Variants in MAN1A2 observed in about 807,000 individuals in gnomAD.
The protein encoded by MAN1A2 is mannosyl-oligosaccharide 1,2-alpha-mannosidase IB.
In MAN1A2, 26 loss-of-function variants were observed where a neutral mutation model predicts 75.7. The observed-to-expected ratio is 0.34, with a 90% CI of 0.25 to 0.48. The LOEUF (loss-of-function observed/expected upper bound fraction) is 0.48. Ranked by LOEUF, MAN1A2 falls within the 20% of genes least tolerant of loss-of-function variation. The probability of loss-of-function intolerance (pLI) is 0.99; values close to 1 mark genes in which losing one functional copy is unlikely to be tolerated. For synonymous variants in MAN1A2, 247 were observed against 264.6 expected (o/e 0.93, Z 0.65); for missense variants, 562 against 775.5 (o/e 0.72, Z 3.27).
At chr1:117,410,820 A>G (rs578070865) in intron 3 of MAN1A2, among the ~76,000 whole-genome samples, 5 of 151,940 alleles carry the variant, frequency 3.3e-5, no homozygotes, top group African/African-American at 7.2e-5. Flanking sequence ...TGCAACAAAC[A>G]GTTATAAACA....
chr1:117,464,932 C>T (rs1040824848), intron 7 of MAN1A2, among the ~76,000 whole-genome samples: 1 of 151,736 alleles, frequency 6.6e-6, no homozygotes, highest in African/African-American at 2.4e-5. Flanking sequence ...AAGATATTAC[C>T]AGAAAAAAGG....
At chr1:117,445,456 C>A (rs1388768138) in intron 6 of MAN1A2, among the ~76,000 whole-genome samples, 4 of 152,070 alleles carry the variant, frequency 2.6e-5, no homozygotes, top group African/African-American at 9.7e-5. Context: ...GACCTAAATG[C>A]AACTACCTGA....
intron 6 of MAN1A2, among the ~76,000 whole-genome samples, chr1:117,456,947 G>A (rs943441404): frequency 4.6e-5 from 7 of 151,988 alleles, no homozygotes; most frequent in Non-Finnish European, 7.4e-5. Context: ...CTTACACATT[G>A]AGTGTTTTAA....
Position 117,502,787 on chromosome 1 carries a change from A to C in MAN1A2, c.1678-68A>C. On this transcript the variant is annotated intron_variant, in intron 11 of 12. Transcript: ENST00000356554. ...TATGAGCTTTTGACTATTGTCCTTC[A>C]AAGTTTTGTTGTCCTTCAAAACTTG... 17 of 787,802 alleles carry C rather than the reference A, an allele frequency of 2.2e-5. No individual in the cohort carries two copies. The South Asian group carries it at 2.6e-4, about 12-fold the overall frequency. 48.8% of individuals were successfully genotyped at this position (787,802 alleles called of 1,614,324 possible). A position where few individuals can be genotyped will look rare whatever the true frequency, so the allele number is the denominator to read the frequency against.
chr1:117,417,761 A>G (rs1450254225), intron 4 of MAN1A2, among the ~76,000 whole-genome samples: 1 of 151,366 alleles, frequency 6.6e-6, no homozygotes, highest in African/African-American at 2.4e-5. Context: ...ATAAATATAT[A>G]TAAACTTTAA....
chr1:117,411,604 C>T (rs1003646775), intron 3 of MAN1A2, among the ~76,000 whole-genome samples: 1 of 151,626 alleles, frequency 6.6e-6, no homozygotes, highest in African/African-American at 2.4e-5. Context: ...TTCTGCTCCC[C>T]AAAGACATCA....
chr1:117,445,894 A>ATATATATATATATATATG (rs1557953937), intron 6 of MAN1A2, among the ~76,000 whole-genome samples: 4 of 144,094 alleles, frequency 2.8e-5, no homozygotes, highest in Non-Finnish European at 6.1e-5. Flanking sequence ...GTATATATAT[A>ATATATATATATATATATG]TATATGTATA....
intron 6 of MAN1A2, among the ~76,000 whole-genome samples, chr1:117,445,062 T>C (rs1649169987): frequency 6.6e-6 from 1 of 152,160 alleles, no homozygotes; most frequent in Non-Finnish European, 1.5e-5. Flanking sequence ...GTTCTTGTTG[T>C]TGTTTTATCA....
intron 5 of MAN1A2, among the ~76,000 whole-genome samples, chr1:117,435,118 T>C (rs953917053): frequency 6.6e-6 from 1 of 151,876 alleles, no homozygotes; most frequent in African/African-American, 2.4e-5. Context: ...TAAGCGAAAA[T>C]AAGTAGTAGA....
rs1348234119 is a variant in MAN1A2 at position 117,499,383 on chromosome 1, A to C, written c.1506A>C (p.Ala502=). 1 of 1,567,238 alleles carries C rather than the reference A, an allele frequency of 6.4e-7. No individual in the cohort carries two copies. The highest frequency in any genetic ancestry group is 2.4e-5 in the East Asian group (1 of 41,916). ...RTCHESYDRT[A]LKLGPESFKF... is the part of the protein sequence containing the mutation. Reference sequence around the variant, plus strand: ...GTTATTTCTTTTGTCATGTTACAGCATTAAAGCTAGGTCCTGAATCATTCA... The same window carrying C: ...GTTATTTCTTTTGTCATGTTACAGCCTTAAAGCTAGGTCCTGAATCATTCA... The change falls in exon 11 of 13, where the codon GCA becomes GCC. Residue 502 remains alanine (A), a splice_region_variant and synonymous_variant. Coordinates refer to ENST00000356554, the MANE Select transcript of MAN1A2 (RefSeq NM_006699.5).
At chr1:117,391,215 T>C (rs1171680407) in intron 1 of MAN1A2, among the ~76,000 whole-genome samples, 1 of 152,182 alleles carries the variant, frequency 6.6e-6, no homozygotes, top group Non-Finnish European at 1.5e-5. Context: ...TTTTATGACC[T>C]AGAAAATGGT....
intron 6 of MAN1A2, among the ~76,000 whole-genome samples, chr1:117,445,144 A>T (rs186050768): frequency 5.9e-5 from 9 of 152,200 alleles, no homozygotes; most frequent in Admixed American, 2.0e-4. Context: ...TTTCACCTTT[A>T]TTCTTTTAAT....
chr1:117,519,663 G>A (rs1651814545), intron 12 of MAN1A2, among the ~76,000 whole-genome samples: 1 of 151,866 alleles, frequency 6.6e-6, no homozygotes, highest in Non-Finnish European at 1.5e-5. Context: ...CAATAGAGAA[G>A]CAGCGAAATT....
intron 7 of MAN1A2, 52 bp downstream of exon 7, chr1:117,460,664 T>G: frequency 1.3e-6 from 2 of 1,524,162 alleles, no homozygotes; most frequent in Non-Finnish European, 1.8e-6. Flanking sequence ...TCCTTTAAGA[T>G]TGGCCCAAAG....
At chr1:117,499,005 AC>A (rs1466572685) in intron 10 of MAN1A2, among the ~76,000 whole-genome samples, 11 of 152,054 alleles carry the variant, frequency 7.2e-5, no homozygotes, top group East Asian at 3.9e-4. Flanking sequence ...TTTAAAAAAA[AC>A]ATCCACACAG....
Position 117,524,581 on chromosome 1 carries a change from G to A in MAN1A2, c.*1624G>A, listed in dbSNP as rs1651954945. 6.6e-6 allele frequency: 1 copy of A among 151,630 alleles called. No homozygotes were observed. The highest frequency in any genetic ancestry group is 2.4e-5 in the African/African-American group (1 of 41,346). The allele number at this position is 151,630 out of a possible 1,614,324, so 9.4% of individuals were successfully genotyped here. A position where few individuals can be genotyped will look rare whatever the true frequency, so the allele number is the denominator to read the frequency against. On this transcript the variant is annotated 3_prime_UTR_variant, in exon 13 of 13. Transcript: ENST00000356554. ...TGATAAGCTTTTCTTTTAAACTTAG[G>A]TTTTAAGTTGGGGAAAGACTTAATT...
intron 7 of MAN1A2, among the ~76,000 whole-genome samples, chr1:117,463,164 CAG>C (rs1232099288): frequency 6.6e-6 from 1 of 150,536 alleles, no homozygotes; most frequent in East Asian, 1.9e-4. Flanking sequence ...ATATTAAAGA[CAG>C]TACAAATTCA....
chr1:117,465,117 A>G (rs1340198468), intron 7 of MAN1A2, among the ~76,000 whole-genome samples: 1 of 152,164 alleles, frequency 6.6e-6, no homozygotes, highest in East Asian at 1.9e-4. Context: ...AAGTATAAGA[A>G]AAAATAGTTA....
At chr1:117,380,421 A>C in intron 1 of MAN1A2, among the ~76,000 whole-genome samples, 1 of 152,196 alleles carries the variant, frequency 6.6e-6, no homozygotes, top group Non-Finnish European at 1.5e-5. Flanking sequence ...CATATCCAAG[A>C]ATCAATTGCC....
Sources: gnomAD v4.1 joint callset for allele counts (sites outside exome capture counted in the v4.1 genomes callset) on GRCh38, gnomAD v4.1.1 for gene constraint, MANE v1.5 for transcripts, NCBI Gene and HGNC (gene_info 2026-07-23, HGNC 2026-07-21) for gene names.